The following RSRC1 variants were observed in gnomAD, a reference collection of about 807,000 sequenced individuals.
RSRC1 encodes the protein serine/Arginine-related protein 53.
RSRC1 carries 39 observed loss-of-function variants against 49.1 expected under a neutral mutation model. The ratio of observed to expected loss-of-function variants is 0.79; its 90% confidence interval spans 0.61 to 1.04. The LOEUF is 1.04. RSRC1 is among the 50% of genes least tolerant of loss of function. The pLI, the probability that RSRC1 is intolerant of heterozygous loss-of-function variation, is 0.00. For synonymous variants in RSRC1, 143 were observed against 130.8 expected, an observed-to-expected ratio of 1.09 and a Z score of -0.63; for missense variants, 388 against 402.4, an observed-to-expected ratio of 0.96 and a Z score of 0.31.
chr3:158,232,617 A>T lies in RSRC1; in HGVS notation c.494+29372A>T, dbSNP rs540329022. On this transcript the variant is annotated intron_variant, in intron 4 of 9. Transcript: ENST00000611884. Reference sequence around the variant, plus strand: ...TACGTAGAAGTGAACTATGGCTTGTATTATAACACCTGCTCAATATCTTAA... The same window carrying T: ...TACGTAGAAGTGAACTATGGCTTGTTTTATAACACCTGCTCAATATCTTAA... 1.2e-4 allele frequency among the ~76,000 whole-genome samples: 19 copies of T among 152,294 alleles called. 1 individual carries two copies. The South Asian group carries it at 3.7e-3, about 30-fold the overall frequency.
intron 1 of RSRC1, among the ~76,000 whole-genome samples, chr3:158,121,419 C>T (rs1388853837): frequency 2.0e-5 from 3 of 152,032 alleles, no homozygotes; most frequent in South Asian, 2.1e-4. Context: ...ATTATTCTAC[C>T]ACCTTATAGA....
chr3:158,403,762 G>A (rs1273950990), intron 6 of RSRC1, among the ~76,000 whole-genome samples: 1 of 151,642 alleles, frequency 6.6e-6, no homozygotes. Flanking sequence ...TATTTTATGA[G>A]TTATTTAACA....
intron 7 of RSRC1, among the ~76,000 whole-genome samples, chr3:158,476,726 C>G (rs180776137): frequency 1.3e-5 from 2 of 152,112 alleles, no homozygotes; most frequent in Admixed American, 1.3e-4. Context: ...TGCCTGCTAA[C>G]CCAGCATTTG....
chr3:158,176,360 A>C (rs987849852), intron 3 of RSRC1, among the ~76,000 whole-genome samples: 5 of 152,216 alleles, frequency 3.3e-5, no homozygotes, highest in Admixed American at 6.5e-5. Flanking sequence ...CATAAGCAAA[A>C]AGAATAAAGC....
At chr3:158,244,644 G>A (rs1723785386) in intron 4 of RSRC1, among the ~76,000 whole-genome samples, 1 of 152,164 alleles carries the variant, frequency 6.6e-6, no homozygotes, top group Non-Finnish European at 1.5e-5. Flanking sequence ...CTCATAGAAT[G>A]AGTTAACAGA....
intron 6 of RSRC1, among the ~76,000 whole-genome samples, chr3:158,403,661 A>G (rs377536534): frequency 5.3e-5 from 8 of 151,802 alleles, no homozygotes; most frequent in African/African-American, 1.9e-4. Flanking sequence ...CTTATTTTAA[A>G]TAAATGAAAA....
intron 5 of RSRC1, among the ~76,000 whole-genome samples, chr3:158,312,895 T>A (rs1578322698): frequency 6.6e-6 from 1 of 152,276 alleles, no homozygotes; most frequent in East Asian, 1.9e-4. Context: ...CCAGTCTTCA[T>A]GAAGGATGAA....
At chr3:158,349,691 CTTT>C (rs775736592) in intron 5 of RSRC1, among the ~76,000 whole-genome samples, 6 of 74,840 alleles carry the variant, frequency 8.0e-5, no homozygotes, top group Non-Finnish European at 1.2e-4. Flanking sequence ...TCTTACTGCC[CTTT>C]TTTTTTTTTT....
At chr3:158,274,682 G>A (rs1725707213) in intron 4 of RSRC1, among the ~76,000 whole-genome samples, 1 of 152,134 alleles carries the variant, frequency 6.6e-6, no homozygotes, top group Non-Finnish European at 1.5e-5. Flanking sequence ...GAAAACAGTA[G>A]CCTAGTCTCC....
chr3:158,189,136 TTC>T (rs1720085042), intron 3 of RSRC1, among the ~76,000 whole-genome samples: 1 of 151,898 alleles, frequency 6.6e-6, no homozygotes. Flanking sequence ...TCTAGTTGTC[TTC>T]TGTTTATTAT....
At chr3:158,481,362 A>G (rs1167946579) in intron 7 of RSRC1, among the ~76,000 whole-genome samples, 1 of 152,102 alleles carries the variant, frequency 6.6e-6, no homozygotes, top group Non-Finnish European at 1.5e-5. Flanking sequence ...GATCATAGGC[A>G]ATCACTGAAT....
chr3:158,308,574 C>T (rs1037123150), intron 5 of RSRC1, among the ~76,000 whole-genome samples: 1 of 151,848 alleles, frequency 6.6e-6, no homozygotes, highest in East Asian at 1.9e-4. Flanking sequence ...AGTATTCATC[C>T]TGCTTTCTGA....
At chr3:158,231,203 G>A (rs1223955864) in intron 4 of RSRC1, among the ~76,000 whole-genome samples, 1 of 127,092 alleles carries the variant, frequency 7.9e-6, no homozygotes, top group Admixed American at 9.9e-5. Flanking sequence ...GAATGCAGTC[G>A]TGCAATCTCA....
intron 6 of RSRC1, among the ~76,000 whole-genome samples, chr3:158,417,290 C>G (rs1734792031): frequency 6.6e-6 from 1 of 152,008 alleles, no homozygotes; most frequent in Non-Finnish European, 1.5e-5. Context: ...AATCCTTTTC[C>G]AACTCCTAAA....
At chr3:158,364,823 A>AAT (rs995288790) in intron 6 of RSRC1, among the ~76,000 whole-genome samples, 1 of 137,700 alleles carries the variant, frequency 7.3e-6, no homozygotes, top group Non-Finnish European at 1.5e-5. Context: ...GAAAAATAAT[A>AAT]ATAATAATAA....
At chr3:158,311,615 G>A (rs1031504498) in intron 5 of RSRC1, among the ~76,000 whole-genome samples, 2 of 151,748 alleles carry the variant, frequency 1.3e-5, no homozygotes, top group Non-Finnish European at 2.9e-5. Flanking sequence ...CAGTTACCCA[G>A]GATGAACAAA....
rs1168093816 is a variant in RSRC1 at position 158,123,973 on chromosome 3, C to T, written c.302C>T (p.Ser101Leu). The T allele has an allele frequency of 6.3e-7, 1 of 1,599,812 alleles. No homozygotes were observed. Among genetic ancestry groups the T allele is most frequent in the Non-Finnish European group, 8.5e-7 (1 of 1,173,660 alleles). The change falls in exon 3 of 10, where the codon TCA becomes TTA. Residue 101 changes from serine to leucine, a missense_variant. Ser to Leu is a moderately radical substitution (Grantham distance 145). Coordinates refer to ENST00000611884, the MANE Select transcript of RSRC1 (RefSeq NM_001271838.2). ...TCCTATAGAGTTCAGAGGTCTAGGT[C>T]AAAAAGCAGAACAAGAAGGTATGCC... ...GKSYRVQRSR[S>L]KSRTRRSRSR...
intron 6 of RSRC1, among the ~76,000 whole-genome samples, chr3:158,372,824 C>T (rs1049122615): frequency 6.6e-6 from 1 of 151,744 alleles, no homozygotes; most frequent in Non-Finnish European, 1.5e-5. Context: ...TCTTTGAATC[C>T]ACGGACATGG....
At chr3:158,189,607 T>C (rs1198544963) in intron 3 of RSRC1, among the ~76,000 whole-genome samples, 1 of 151,974 alleles carries the variant, frequency 6.6e-6, no homozygotes, top group African/African-American at 2.4e-5. Flanking sequence ...GATCTTTTTT[T>C]CTCTGCCTTT....
Sources: allele counts gnomAD v4.1 joint callset (sites outside exome capture counted in the v4.1 genomes callset), GRCh38; gene constraint gnomAD v4.1.1; transcripts MANE v1.5; gene names NCBI Gene and HGNC (gene_info 2026-07-23, HGNC 2026-07-21).